Variants in VPS52 observed in about 807,000 individuals in gnomAD.
VPS52 encodes the protein VPS52 subunit of GARP complex, also known as vacuolar protein sorting-associated protein 52 homolog.
A neutral mutation model predicts 98.7 loss-of-function variants in VPS52; 56 were observed. That is an observed-to-expected ratio of 0.57 (90% CI 0.46 to 0.71). VPS52 has a LOEUF of 0.71. Among genes scored for constraint, VPS52 ranks in the 30% least tolerant of loss-of-function variants. The pLI, the probability that VPS52 is intolerant of heterozygous loss-of-function variation, is 0.00. For missense variants in VPS52, 742 were observed against 925.9 expected (o/e 0.80, Z 2.58); for synonymous variants, 348 against 346.4 (o/e 1.00, Z -0.05).
intron 17 of VPS52, among the ~76,000 whole-genome samples, chr6:33,260,628 T>C (rs1470758275): frequency 6.6e-6 from 1 of 152,178 alleles, no homozygotes; most frequent in Non-Finnish European, 1.5e-5. Flanking sequence ...TCCCCCTTTT[T>C]TTGTGTGTGT....
At chr6:33,261,433 C>T (rs909214547) in intron 17 of VPS52, among the ~76,000 whole-genome samples, 1 of 150,844 alleles carries the variant, frequency 6.6e-6, no homozygotes, top group Admixed American at 6.6e-5. Flanking sequence ...CACCACTGCA[C>T]TCCAGCCTAG....
At chr6:33,262,560 A>G (rs887046311) in intron 17 of VPS52, among the ~76,000 whole-genome samples, 1 of 152,188 alleles carries the variant, frequency 6.6e-6, no homozygotes, top group African/African-American at 2.4e-5. Context: ...TTGAAGAGAT[A>G]TTTGCACTCC....
chr6:33,266,541 G>A lies in VPS52; in HGVS notation c.1281+16C>T. On this transcript the variant is annotated intron_variant, in intron 12 of 19. Coordinates refer to ENST00000445902, the MANE Select transcript of VPS52 (RefSeq NM_022553.6). ...GGGACAAAGGTGTTGAATGGTACAG[G>A]AAACAGGAGTCTTACCAGGGTCATG... 6.3e-7 allele frequency: 1 copy of A among 1,587,826 alleles called. No homozygotes were observed. Among genetic ancestry groups the A allele is most frequent in the Non-Finnish European group, 8.6e-7 (1 of 1,165,352 alleles).
At chr6:33,251,140 G>A (rs75552297) in intron 19 of VPS52, among the ~76,000 whole-genome samples, 153 bp from the exon 20 acceptor site, 8 of 152,042 alleles carry the variant, frequency 5.3e-5, no homozygotes, top group African/African-American at 1.7e-4. Flanking sequence ...TCAGGAATTC[G>A]AGACCAGCCT....
intron 11 of VPS52, among the ~76,000 whole-genome samples, 176 bp from the exon 12 acceptor site, chr6:33,266,888 A>C (rs1764394386): frequency 6.6e-6 from 1 of 151,784 alleles, no homozygotes; most frequent in Non-Finnish European, 1.5e-5. Flanking sequence ...AAGGTGGGGG[A>C]ACATAGGGGT....
At chr6:33,266,411 G>T in intron 12 of VPS52, 146 bp downstream of exon 12, 2 of 1,053,030 alleles carry the variant, frequency 1.9e-6, no homozygotes, top group Non-Finnish European at 2.7e-6. Flanking sequence ...GGGATTATGG[G>T]TGTGCACTAC....
At chr6:33,252,666 G>A (rs991047791) in intron 17 of VPS52, among the ~76,000 whole-genome samples, 4 of 150,184 alleles carry the variant, frequency 2.7e-5, no homozygotes, top group Admixed American at 1.3e-4. Flanking sequence ...CTTGAAAAAA[G>A]GAAATTTTTT....
At position 33,271,739 on chromosome 6, in the gene VPS52, C is replaced by A. The variant is rs1765132477; in HGVS notation, c.-64G>T. On this transcript the variant is annotated 5_prime_UTR_variant, in exon 1 of 20. Coordinates refer to ENST00000445902, the MANE Select transcript of VPS52 (RefSeq NM_022553.6). ...GAGTCCGTTCCCCGGAGTGGAGCTA[C>A]AAGTCCCAAAGGGTCTTCCTCAGCG... 1.3e-6 allele frequency: 2 copies of A among 1,541,288 alleles called. No homozygotes were observed. Among genetic ancestry groups the A allele is most frequent in the Non-Finnish European group, 1.8e-6 (2 of 1,142,032 alleles).
At chr6:33,253,647 TAGG>T (rs1762588358) in intron 17 of VPS52, among the ~76,000 whole-genome samples, 1 of 151,604 alleles carries the variant, frequency 6.6e-6, no homozygotes, top group Non-Finnish European at 1.5e-5. Flanking sequence ...CCCAGTTACT[TAGG>T]AGGCTGAGGT....
Position 33,250,940 on chromosome 6 carries a change from C to T in VPS52, c.2073G>A (p.Val691=). The T allele has an allele frequency of 6.2e-7, 1 of 1,613,082 alleles. No individual in the cohort carries two copies. Among genetic ancestry groups the T allele is most frequent in the South Asian group, 1.1e-5 (1 of 91,088 alleles). ...LIQLYHRFHR[V]LSQPQLRALP... is the part of the protein sequence containing the mutation. ...GGGCTCGGAGCTGCGGCTGGGACAGCACCCGGTGGAAGCGATGATAGAGCT... is the reference window on the plus strand; with the variant it reads ...GGGCTCGGAGCTGCGGCTGGGACAGTACCCGGTGGAAGCGATGATAGAGCT... Residue 691 remains valine (V), a synonymous_variant, in exon 20 of 20, where the codon GTG becomes GTA. Transcript: ENST00000445902.
At chr6:33,256,946 C>T (rs1056164146) in intron 17 of VPS52, among the ~76,000 whole-genome samples, 1 of 151,922 alleles carries the variant, frequency 6.6e-6, no homozygotes, top group Admixed American at 6.6e-5. Context: ...CCCTACCTCA[C>T]ATCACACACA....
At chr6:33,269,235 G>A in intron 5 of VPS52, 46 bp from the exon 6 acceptor site, 1 of 1,603,352 alleles carries the variant, frequency 6.2e-7, no homozygotes, top group African/African-American at 1.3e-5. Context: ...GGTTTGTAGG[G>A]GATAAGTGGG....
chr6:33,266,709 G>C lies in VPS52; in HGVS notation c.1129C>G (p.Pro377Ala). The change falls in exon 12 of 20, where the codon CCA becomes GCA. Residue 377 changes from proline to alanine, a missense_variant. Physicochemically the swap from Pro to Ala is conservative, Grantham distance 27. Coordinates refer to ENST00000445902, the MANE Select transcript of VPS52 (RefSeq NM_022553.6). The part of the protein sequence containing the change: ...HTAQRGEQRY[P>A]FEALFRSQHY... Reference sequence around the variant, plus strand: ...TGGCTGCGGAAGAGGGCCTCAAATGGATACTGGGAGAGGAGGAGTAAAGAA... The same window carrying C: ...TGGCTGCGGAAGAGGGCCTCAAATGCATACTGGGAGAGGAGGAGTAAAGAA... 2 of 1,607,062 alleles carry C rather than the reference G, an allele frequency of 1.2e-6. No individual in the cohort carries two copies. The highest frequency in any genetic ancestry group is 1.7e-6 in the Non-Finnish European group (2 of 1,176,718).
intron 17 of VPS52, among the ~76,000 whole-genome samples, chr6:33,262,257 C>T (rs1175649222): frequency 6.6e-6 from 1 of 151,954 alleles, no homozygotes; most frequent in Non-Finnish European, 1.5e-5. Context: ...GGCAAACAGA[C>T]ATATATGAAA....
In VPS52 at chr6:33,268,170, A is replaced by C; in HGVS notation, c.738T>G (p.Ile246Met). 2 of 1,613,064 alleles carry C rather than the reference A, an allele frequency of 1.2e-6. No individual in the cohort carries two copies. The highest frequency in any genetic ancestry group is 1.7e-6 in the Non-Finnish European group (2 of 1,180,030). ...TKIREFILQK[I>M]YSFRKPMTNY... ...TGGTCATGGGTTTCCTGAAGGAATA[A>C]ATCTTCTGGAGGATAAACTCTCGGA... The change falls in exon 8 of 20, where the codon ATT becomes ATG. Residue 246 changes from isoleucine to methionine, a missense_variant. By Grantham distance (10) the Ile-to-Met change is conservative. Around this residue, in one of 2 missense-constraint regions of VPS52, gnomAD observed 590 missense variants for 793.3 expected, o/e 0.74. Coordinates refer to ENST00000445902, the MANE Select transcript of VPS52 (RefSeq NM_022553.6). The surrounding 1 kb of genome is among the most constrained non-coding windows in gnomAD (Gnocchi z 4.0).
intron 1 of VPS52, among the ~76,000 whole-genome samples, chr6:33,270,875 C>T (rs1764955299): frequency 6.8e-6 from 1 of 147,274 alleles, no homozygotes; most frequent in Non-Finnish European, 1.5e-5. Flanking sequence ...GGCGTGAACC[C>T]GGAAGGTGGA....
Position 33,264,024 on chromosome 6 carries a change from A to C in VPS52, c.1604T>G (p.Leu535Trp). The C allele has an allele frequency of 6.2e-7, 1 of 1,614,210 alleles. No homozygotes were observed. The highest frequency in any genetic ancestry group is 8.5e-7 in the Non-Finnish European group (1 of 1,180,026). ...QTIPNERTMQ[L>W]LGQLQVEVEN... Reference sequence around the variant, plus strand: ...GACCCTCACCTGCAGCTGTCCCAGCAATTGCATGGTCCGTTCATTAGGAAT... The same window carrying C: ...GACCCTCACCTGCAGCTGTCCCAGCCATTGCATGGTCCGTTCATTAGGAAT... The change falls in exon 15 of 20, where the codon TTG becomes TGG. Residue 535 changes from leucine (L) to tryptophan (W), a missense_variant. Physicochemically the swap from Leu to Trp is moderately conservative, Grantham distance 61. This residue lies in a region of VPS52 where 590 missense variants were observed against 793.3 expected (regional missense o/e 0.74). Coordinates refer to ENST00000445902, the MANE Select transcript of VPS52 (RefSeq NM_022553.6).
At chr6:33,266,498 T>C in intron 12 of VPS52, 59 bp downstream of exon 12, 1 of 1,506,288 alleles carries the variant, frequency 6.6e-7, no homozygotes, top group Non-Finnish European at 8.9e-7. Flanking sequence ...GACCCCACTA[T>C]GCTGCTGATG....
intron 17 of VPS52, among the ~76,000 whole-genome samples, chr6:33,253,068 A>C (rs1762490654): frequency 6.6e-6 from 1 of 152,248 alleles, no homozygotes; most frequent in South Asian, 2.1e-4. Context: ...ACATCATTCT[A>C]GATGACAAAT....
Sources: gnomAD v4.1 joint callset for allele counts (sites outside exome capture counted in the v4.1 genomes callset) on GRCh38, gnomAD v4.1.1 for gene constraint, gnomAD v4.1.1 regional missense constraint, Gnocchi (gnomAD v3.1) non-coding constraint, MANE v1.5 for transcripts, NCBI Gene and HGNC (gene_info 2026-07-23, HGNC 2026-07-21) for gene names.